Variants in KCNK17 observed in about 807,000 individuals in gnomAD.
KCNK17 encodes potassium channel subfamily K member 17.
A neutral mutation model predicts 24.6 loss-of-function variants in KCNK17; 27 were observed. The ratio of observed to expected loss-of-function variants is 1.10; its 90% CI spans 0.81 to 1.51. The LOEUF (loss-of-function observed/expected upper bound fraction) is 1.51. KCNK17 is among the 40% of genes most tolerant of loss of function. The probability of loss-of-function intolerance (pLI) is 0.00; values close to 1 mark genes in which losing one functional copy is unlikely to be tolerated. For missense variants in KCNK17, 450 were observed against 436.6 expected (o/e 1.03, Z -0.27); for synonymous variants, 181 against 189.8 (o/e 0.95, Z 0.38).
chr6:39,308,448 G>A (rs1223752535), intron 2 of KCNK17, among the ~76,000 whole-genome samples: 1 of 152,190 alleles, frequency 6.6e-6, no homozygotes, highest in South Asian at 2.1e-4. Context: ...CCGCCACCAC[G>A]TCTGGCTAAT....
intron 4 of KCNK17, 117 bp downstream of exon 4, chr6:39,303,840 G>T: frequency 1.7e-6 from 2 of 1,154,384 alleles, no homozygotes; most frequent in African/African-American, 1.5e-5. Context: ...TCCGGATTTT[G>T]GGCCCAAAAG....
intron 2 of KCNK17, among the ~76,000 whole-genome samples, chr6:39,306,473 T>C (rs530243970): frequency 3.3e-5 from 5 of 152,338 alleles, no homozygotes; most frequent in African/African-American, 1.2e-4. Context: ...AATACAAAAG[T>C]GAATGTGTAA....
chr6:39,314,223 A>C lies in KCNK17; in HGVS notation c.98T>G (p.Leu33Arg). Reference protein sequence around the residue: ...VLLLLAYLAYLALGTGVFWTL... With the variant: ...VLLLLAYLAYRALGTGVFWTL... ...CCAGAACACGCCGGTGCCCAGCGCC[A>C]GGTAAGCCAGGTAGGCGAGCAGCAG... Residue 33 changes from leucine to arginine, a missense_variant, in exon 1 of 5, where the codon CTG becomes CGG. Physicochemically the swap from Leu to Arg is moderately radical, Grantham distance 102 (BLOSUM62 -2). Transcript: ENST00000373231. 2 of 1,539,684 alleles carry C rather than the reference A, an allele frequency of 1.3e-6. No individual in the cohort carries two copies. Among genetic ancestry groups the C allele is most frequent in the Middle Eastern group, 1.7e-4 (1 of 5,946 alleles).
In KCNK17 at chr6:39,300,554, G is replaced by A; in HGVS notation, c.689-817C>T. On this transcript the variant is annotated intron_variant, in intron 4 of 4. Transcript: ENST00000373231. ...GCCAGGGGATTTGGGATGAACAATG[G>A]AACCATAAGAATATGTATCCTGACT... is the stretch of plus-strand genomic sequence containing the variant. 6 of 1,547,816 alleles carry A rather than the reference G, an allele frequency of 3.9e-6. No homozygotes were observed. In the African/African-American group the frequency reaches 6.8e-5, roughly 18 times the overall value.
At chr6:39,308,053 G>T (rs972345532) in intron 2 of KCNK17, among the ~76,000 whole-genome samples, 3 of 152,046 alleles carry the variant, frequency 2.0e-5, no homozygotes, top group Admixed American at 6.6e-5. Flanking sequence ...ACCTACAATA[G>T]GTGCCCCCAT....
chr6:39,308,503 C>G (rs1414078598), intron 2 of KCNK17, among the ~76,000 whole-genome samples: 2 of 152,230 alleles, frequency 1.3e-5, no homozygotes, highest in Non-Finnish European at 2.9e-5. Flanking sequence ...GTTGGCCCGG[C>G]TGGTCTCCAA....
chr6:39,306,788 CAG>C (rs201726069), intron 2 of KCNK17, among the ~76,000 whole-genome samples: 2,397 of 138,782 alleles, frequency 0.017, 78 homozygotes, highest in African/African-American at 0.062. Context: ...TTTTTTGTGA[CAG>C]AGTCTTGCTC....
At chr6:39,310,752 C>A (rs1180863676) in intron 2 of KCNK17, 141 bp downstream of exon 2, 2 of 591,766 alleles carry the variant, frequency 3.4e-6, no homozygotes, top group Admixed American at 6.3e-5. Flanking sequence ...TGCTCCCAGG[C>A]GGTGTCCATG....
chr6:39,307,396 C>A (rs998468942), intron 2 of KCNK17, among the ~76,000 whole-genome samples: 1 of 152,174 alleles, frequency 6.6e-6, no homozygotes, highest in African/African-American at 2.4e-5. Flanking sequence ...GAGAGTTCTC[C>A]TTTCTGTAGG....
chr6:39,304,309 C>T (rs1761997256), intron 3 of KCNK17, 178 bp from the exon 4 acceptor site: 1 of 776,012 alleles, frequency 1.3e-6, no homozygotes. Flanking sequence ...CTGCCCAGTC[C>T]CACCCCATCT....
At chr6:39,300,420 G>A (rs571342737) in intron 4 of KCNK17, 13 of 1,455,040 alleles carry the variant, frequency 8.9e-6, no homozygotes, top group Middle Eastern at 1.7e-4. Context: ...CACCGTGCCC[G>A]GCCAGAAATC....
intron 2 of KCNK17, among the ~76,000 whole-genome samples, chr6:39,308,213 A>T (rs762776302): frequency 6.6e-6 from 1 of 152,188 alleles, no homozygotes; most frequent in Non-Finnish European, 1.5e-5. Context: ...TTACCATTGT[A>T]TCCTCAGCAC....
chr6:39,314,296 C>T lies in KCNK17; in HGVS notation c.25G>A (p.Ala9Thr). The change falls in exon 1 of 5, where the codon GCT becomes ACT. Residue 9 changes from alanine (A) to threonine (T), a missense_variant. By Grantham distance (58) the Ala-to-Thr change is moderately conservative (BLOSUM62 0). Coordinates refer to ENST00000373231, the MANE Select transcript of KCNK17 (RefSeq NM_031460.4). ...CAGCCCCGGACCCTGCCCTCGGGAGCCGCCCGGGCTCGCGGTCGGTACATA... is the reference window on the plus strand; with the variant it reads ...CAGCCCCGGACCCTGCCCTCGGGAGTCGCCCGGGCTCGCGGTCGGTACATA... MYRPRARA[A>T]PEGRVRGCAV... 1 of 1,464,174 alleles carries T rather than the reference C, an allele frequency of 6.8e-7. No homozygotes were observed. Among genetic ancestry groups the T allele is most frequent in the East Asian group, 2.7e-5 (1 of 36,544 alleles). The allele number at this position is 1,464,174 out of a possible 1,614,324, so 90.7% of individuals were successfully genotyped here.
At chr6:39,312,953 C>G (rs9471063) in intron 1 of KCNK17, among the ~76,000 whole-genome samples, 2,762 of 152,334 alleles carry the variant, frequency 0.018, 74 homozygotes, top group African/African-American at 0.058. Context: ...GTTCAGAACA[C>G]CACTTCCGCT....
In KCNK17 at chr6:39,313,228, C is replaced by G. The variant is rs549591639; in HGVS notation, c.237+856G>C. Among the ~76,000 whole-genome samples the G allele has an allele frequency of 3.0e-3, 453 of 152,344 alleles. 2 individuals are homozygous for G. The highest frequency in any genetic ancestry group is 0.01 in the African/African-American group (421 of 41,590). ...GATGCGCCACCCCTAGAACCCTCCC[C>G]GGCCTCCTCCGCCCTGCTAGGCCCC... is the stretch of plus-strand genomic sequence containing the variant. On this transcript the variant is annotated intron_variant, in intron 1 of 4. Transcript: ENST00000373231.
In KCNK17 at chr6:39,304,577, T is replaced by C. The variant is rs771075879; in HGVS notation, c.431A>G (p.Asn144Ser). The part of the protein sequence containing the change: ...IFFALVGIPL[N>S]LVVLNRLGHL... ...CCCCAGTCGGTTGAGCACCACGAGG[T>C]TGAGTGGGATCCCCACAAGGGCAAA... The change falls in exon 3 of 5, where the codon AAC becomes AGC. Residue 144 changes from asparagine to serine, a missense_variant. Transcript: ENST00000373231. 1 of 1,614,048 alleles carries C rather than the reference T, an allele frequency of 6.2e-7. No homozygotes were observed. The highest frequency in any genetic ancestry group is 1.1e-5 in the South Asian group (1 of 91,072).
chr6:39,310,177 G>C (rs959294051), intron 2 of KCNK17, among the ~76,000 whole-genome samples: 2 of 152,118 alleles, frequency 1.3e-5, no homozygotes, highest in Non-Finnish European at 2.9e-5. Flanking sequence ...TGGGTGGCTC[G>C]ACTTGCATGA....
At chr6:39,309,371 T>C (rs1010376398) in intron 2 of KCNK17, among the ~76,000 whole-genome samples, 2 of 152,310 alleles carry the variant, frequency 1.3e-5, no homozygotes, top group South Asian at 2.1e-4. Context: ...GAGGTTGCCA[T>C]AGGGACAAAT....
chr6:39,310,791 T>C (rs1229142055), intron 2 of KCNK17, 102 bp downstream of exon 2: 4 of 724,318 alleles, frequency 5.5e-6, no homozygotes, highest in Non-Finnish European at 6.7e-6. Flanking sequence ...CTTGGAGTCA[T>C]GAGACTCCAG....
Sources: allele counts gnomAD v4.1 joint callset (sites outside exome capture counted in the v4.1 genomes callset), GRCh38; gene constraint gnomAD v4.1.1; transcripts MANE v1.5; gene names NCBI Gene and HGNC (gene_info 2026-07-23, HGNC 2026-07-21).